CSNK1G1: variants seen among roughly 807,000 people sequenced by gnomAD.
CSNK1G1 encodes casein kinase 1 gamma 1, also known as casein kinase I isoform gamma-1.
In CSNK1G1, 22 loss-of-function variants were observed where a neutral mutation model predicts 59.6. The observed-to-expected ratio is 0.37, with a 90% confidence interval of 0.26 to 0.53. CSNK1G1 has a LOEUF of 0.53. Among genes scored for constraint, CSNK1G1 ranks in the 20% least tolerant of loss-of-function variants. The pLI, the probability that CSNK1G1 is intolerant of heterozygous loss-of-function variation, is 0.89. For synonymous variants in CSNK1G1, 179 were observed against 177.1 expected, an observed-to-expected ratio of 1.01 and a Z score of -0.08; for missense variants, 384 against 519.5, an observed-to-expected ratio of 0.74 and a Z score of 2.54.
chr15:64,181,432 T>C, intron 10 of CSNK1G1: 1 of 1,524,676 alleles, frequency 6.6e-7, no homozygotes, highest in Non-Finnish European at 8.8e-7. Flanking sequence ...AGACCTTGGC[T>C]GAAACATGGG....
At chr15:64,267,117 C>T (rs1383365514) in intron 2 of CSNK1G1, among the ~76,000 whole-genome samples, 3 of 151,858 alleles carry the variant, frequency 2.0e-5, no homozygotes, top group Admixed American at 6.6e-5. Flanking sequence ...TTTAGCTGGG[C>T]GTGGTGGTGC....
At chr15:64,325,735 G>C (rs2065053597) in intron 1 of CSNK1G1, among the ~76,000 whole-genome samples, 1 of 152,072 alleles carries the variant, frequency 6.6e-6, no homozygotes, top group Admixed American at 6.6e-5. Flanking sequence ...ACTTCACTTG[G>C]ACTATCTTAA....
At chr15:64,208,561 C>T (rs1045548052) in intron 6 of CSNK1G1, among the ~76,000 whole-genome samples, 5 of 152,108 alleles carry the variant, frequency 3.3e-5, no homozygotes, top group African/African-American at 1.2e-4. Flanking sequence ...CAGACAGAGT[C>T]CTTGCTCTGT....
At chr15:64,287,441 T>A (rs186382807) in intron 2 of CSNK1G1, among the ~76,000 whole-genome samples, 1 of 152,188 alleles carries the variant, frequency 6.6e-6, no homozygotes, top group African/African-American at 2.4e-5. Context: ...AATCTAAAAT[T>A]GTACAGTAGA....
chr15:64,218,564 T>C (rs932229784), intron 4 of CSNK1G1, among the ~76,000 whole-genome samples: 3 of 151,882 alleles, frequency 2.0e-5, no homozygotes, highest in African/African-American at 7.3e-5. Flanking sequence ...TTTTTTTGCA[T>C]TTTTTGGAGA....
intron 10 of CSNK1G1, chr15:64,181,275 G>C (rs1288965456): frequency 6.5e-7 from 1 of 1,536,062 alleles, no homozygotes; most frequent in Admixed American, 2.0e-5. Context: ...CCTGTCATCT[G>C]GTTAATGTGG....
chr15:64,246,529 G>A (rs748275491), intron 4 of CSNK1G1, among the ~76,000 whole-genome samples: 3 of 151,570 alleles, frequency 2.0e-5, no homozygotes, highest in Non-Finnish European at 2.9e-5. Flanking sequence ...AGGCTGAGGC[G>A]GGAGGATGAC....
chr15:64,264,251 T>C (rs1238463412), intron 2 of CSNK1G1, among the ~76,000 whole-genome samples: 1 of 152,178 alleles, frequency 6.6e-6, no homozygotes, highest in Non-Finnish European at 1.5e-5. Context: ...GACAACTATA[T>C]GAGAACAAAT....
At chr15:64,314,975 T>C (rs566537909) in intron 1 of CSNK1G1, among the ~76,000 whole-genome samples, 2 of 152,340 alleles carry the variant, frequency 1.3e-5, no homozygotes, top group Non-Finnish European at 2.9e-5. Context: ...TGATTTCAAA[T>C]CTTTTGGATA....
chr15:64,264,995 A>C (rs1892904095), intron 2 of CSNK1G1, among the ~76,000 whole-genome samples: 1 of 152,206 alleles, frequency 6.6e-6, no homozygotes, highest in South Asian at 2.1e-4. Flanking sequence ...CCAATTTTAT[A>C]CAACATAGTA....
intron 1 of CSNK1G1, among the ~76,000 whole-genome samples, chr15:64,332,911 A>G (rs926984253): frequency 3.9e-5 from 6 of 152,166 alleles, no homozygotes; most frequent in African/African-American, 1.4e-4. Flanking sequence ...TCCTGAGAGA[A>G]AAGAAAAACC....
chr15:64,172,270 G>A (rs1385779544), intron 11 of CSNK1G1, among the ~76,000 whole-genome samples: 1 of 152,180 alleles, frequency 6.6e-6, no homozygotes, highest in East Asian at 1.9e-4. Flanking sequence ...GGTGAAGAAG[G>A]CTCATAGTTT....
Position 64,206,427 on chromosome 15 carries a change from G to A in CSNK1G1, c.765+1082C>T, listed in dbSNP as rs368490900. On this transcript the variant is annotated intron_variant, in intron 7 of 11. Coordinates refer to ENST00000303052, the MANE Select transcript of CSNK1G1 (RefSeq NM_022048.5). ...TGCACTCCAGCCTGGGCAACAAAGC[G>A]AGAGTCCGTCTCAAAACAAAAACCA... is the stretch of plus-strand genomic sequence containing the variant. Among the ~76,000 whole-genome samples, 65 of 151,832 alleles carry A rather than the reference G, an allele frequency of 4.3e-4. 1 individual carries two copies. In the East Asian group the frequency reaches 0.011, roughly 27 times the overall value.
intron 10 of CSNK1G1, 31 bp from the exon 11 acceptor site, chr15:64,180,485 G>A (rs764907466): frequency 1.9e-6 from 3 of 1,544,120 alleles, no homozygotes; most frequent in Non-Finnish European, 2.7e-6. Flanking sequence ...TGTGTGACAG[G>A]CACCATGGCA....
intron 4 of CSNK1G1, among the ~76,000 whole-genome samples, chr15:64,245,016 C>T (rs1253322965): frequency 6.6e-6 from 1 of 152,070 alleles, no homozygotes. Flanking sequence ...AACAAAGGTG[C>T]CAAGAACATT....
intron 3 of CSNK1G1, among the ~76,000 whole-genome samples, chr15:64,253,893 A>T (rs1249440151): frequency 6.6e-6 from 1 of 152,106 alleles, no homozygotes; most frequent in Non-Finnish European, 1.5e-5. Context: ...TAATCCTAGC[A>T]CTTTGGGAGG....
At chr15:64,238,100 G>C (rs1348297935) in intron 4 of CSNK1G1, among the ~76,000 whole-genome samples, 1 of 151,918 alleles carries the variant, frequency 6.6e-6, no homozygotes, top group Non-Finnish European at 1.5e-5. Flanking sequence ...AAAATTAGGG[G>C]GCATCATGTG....
At chr15:64,342,209 G>A (rs1461599267) in intron 1 of CSNK1G1, among the ~76,000 whole-genome samples, 1 of 152,198 alleles carries the variant, frequency 6.6e-6, no homozygotes, top group Non-Finnish European at 1.5e-5. Context: ...TCTTGAGCTT[G>A]ACATCCTGGC....
chr15:64,215,413 T>A (rs910057425), intron 5 of CSNK1G1, among the ~76,000 whole-genome samples: 1 of 151,914 alleles, frequency 6.6e-6, no homozygotes, highest in Non-Finnish European at 1.5e-5. Context: ...GGGGTTTCAC[T>A]GCGTTAGCCA....
Sources: allele counts gnomAD v4.1 joint callset (sites outside exome capture counted in the v4.1 genomes callset), GRCh38; gene constraint gnomAD v4.1.1; transcripts MANE v1.5; gene names NCBI Gene and HGNC (gene_info 2026-07-23, HGNC 2026-07-21).